HMCN1: variants seen among roughly 807,000 people sequenced by gnomAD.
HMCN1 encodes hemicentin 1, also known as hemicentin-1.
HMCN1 carries 321 observed loss-of-function variants against 625.9 expected under a neutral mutation model. The observed-to-expected ratio is 0.51, with a 90% confidence interval of 0.47 to 0.56. The LOEUF is 0.56. HMCN1 is among the 20% of genes least tolerant of loss of function. The pLI is 0.00. For missense variants in HMCN1, 6,588 were observed against 6,887.3 expected, an observed-to-expected ratio of 0.96 and a Z score of 1.54; for synonymous variants, 2,425 against 2,417.6, an observed-to-expected ratio of 1.00 and a Z score of -0.09.
At chr1:186,158,457 A>AT (rs1306045738) in intron 97 of HMCN1, among the ~76,000 whole-genome samples, 1 of 151,980 alleles carries the variant, frequency 6.6e-6, no homozygotes, top group Non-Finnish European at 1.5e-5. Context: ...CCATTTGTCA[A>AT]TTTTGTCTTT....
At position 186,159,049 on chromosome 1, in the gene HMCN1, C is replaced by T. The variant is rs1651243175; in HGVS notation, c.15256+5062C>T. 2.6e-5 allele frequency among the ~76,000 whole-genome samples: 4 copies of T among 152,098 alleles called. No homozygotes were observed. The South Asian group carries it at 8.3e-4, about 32-fold the overall frequency. ...TATGGCCATTTTCACAATATTGATT[C>T]TTCCTACCCATGAGCATGGAATGTT... On this transcript the variant is annotated intron_variant, in intron 97 of 106. Coordinates refer to ENST00000271588, the MANE Select transcript of HMCN1 (RefSeq NM_031935.3).
intron 69 of HMCN1, among the ~76,000 whole-genome samples, chr1:186,104,733 CCAGTGCATCTCAGCA>C (rs1251733988): frequency 6.6e-6 from 1 of 152,178 alleles, no homozygotes; most frequent in African/African-American, 2.4e-5. Flanking sequence ...AGAAGCCTAG[CCAGTGCATCTCAGCA>C]CAGTGCATTT....
chr1:185,952,615 C>G (rs1479374796), intron 11 of HMCN1, among the ~76,000 whole-genome samples: 1 of 151,698 alleles, frequency 6.6e-6, no homozygotes, highest in Admixed American at 6.6e-5. Flanking sequence ...GTGCCATTTT[C>G]CGGCTATTTG....
At chr1:185,926,151 A>T (rs182196351) in intron 9 of HMCN1, among the ~76,000 whole-genome samples, 2 of 152,362 alleles carry the variant, frequency 1.3e-5, no homozygotes, top group East Asian at 3.9e-4. Context: ...TGAAACAAAC[A>T]ACATTTTGGG....
At chr1:185,928,408 A>G in intron 9 of HMCN1, 138 bp from the exon 10 acceptor site, 1 of 712,942 alleles carries the variant, frequency 1.4e-6, no homozygotes, top group South Asian at 1.6e-5. Context: ...TTTAAGTTAA[A>G]AAGAACTCTG....
intron 80 of HMCN1, among the ~76,000 whole-genome samples, chr1:186,121,803 G>A (rs916506966): frequency 6.6e-6 from 1 of 152,172 alleles, no homozygotes; most frequent in Admixed American, 6.5e-5. Flanking sequence ...AATGTGTACA[G>A]AAAAGATTGG....
chr1:185,906,970 T>A (rs1272303785), intron 4 of HMCN1, among the ~76,000 whole-genome samples: 1 of 148,660 alleles, frequency 6.7e-6, no homozygotes, highest in Non-Finnish European at 1.5e-5. Context: ...TTTTTTTTTT[T>A]AGTTAGGCAG....
intron 54 of HMCN1, 115 bp from the exon 55 acceptor site, chr1:186,077,992 C>G (rs1658932450): frequency 1.3e-6 from 1 of 745,132 alleles, no homozygotes; most frequent in African/African-American, 1.7e-5. Flanking sequence ...TTGGATGAAA[C>G]AGGAACCTTG....
chr1:185,772,563 G>C (rs1656318722), intron 1 of HMCN1, among the ~76,000 whole-genome samples: 1 of 152,190 alleles, frequency 6.6e-6, no homozygotes, highest in East Asian at 1.9e-4. Context: ...TGTTTGTATT[G>C]GGTATTCAGA....
In HMCN1 at chr1:186,174,574, C is replaced by G; in HGVS notation, c.15875C>G (p.Thr5292Arg). The stretch of plus-strand genomic sequence containing the variant: ...AGATATAACCAGATATGTGAGAATA[C>G]AAGAGGCAGCTATCGTTGTGTATGC... ...QCRYNQICEN[T>R]RGSYRCVCPR... The change falls in exon 103 of 107, where the codon ACA becomes AGA. Residue 5292 changes from threonine (T) to arginine (R), a missense_variant. By Grantham distance (71) the Thr-to-Arg change is moderately conservative. Coordinates refer to ENST00000271588, the MANE Select transcript of HMCN1 (RefSeq NM_031935.3). 1 of 1,613,644 alleles carries G rather than the reference C, an allele frequency of 6.2e-7. No individual in the cohort carries two copies. Among genetic ancestry groups the G allele is most frequent in the Non-Finnish European group, 8.5e-7 (1 of 1,179,604 alleles).
In HMCN1 at chr1:186,154,091, T is replaced by C. The variant is rs180941412; in HGVS notation, c.15256+104T>C. 6.7e-4 allele frequency: 625 copies of C among 931,602 alleles called. 2 individuals carry two copies. The highest frequency in any genetic ancestry group is 8.1e-4 in the Non-Finnish European group (468 of 578,110). The allele number at this position is 931,602 out of a possible 1,614,324, so 57.7% of individuals were successfully genotyped here. A position where few individuals can be genotyped will look rare whatever the true frequency, so the allele number is the denominator to read the frequency against. On this transcript the variant is annotated intron_variant, in intron 97 of 106. Coordinates refer to ENST00000271588, the MANE Select transcript of HMCN1 (RefSeq NM_031935.3). ...GGCCTACATCTAACATGATATCAGG[T>C]TTTTCATGTGTGTTGTCTATGCCTT...
chr1:186,100,078 G>C (rs1384523402), intron 68 of HMCN1, among the ~76,000 whole-genome samples: 1 of 151,926 alleles, frequency 6.6e-6, no homozygotes, highest in Non-Finnish European at 1.5e-5. Flanking sequence ...GGGAGAGCGG[G>C]GAGAAAGAAC....
At chr1:185,875,148 A>G (rs893244112) in intron 4 of HMCN1, among the ~76,000 whole-genome samples, 2 of 152,040 alleles carry the variant, frequency 1.3e-5, no homozygotes, top group Non-Finnish European at 2.9e-5. Context: ...TGAAAAAGTC[A>G]TACCTAAAAA....
In HMCN1 at chr1:186,130,115, T is replaced by A; in HGVS notation, c.13039+15T>A. The A allele has an allele frequency of 6.2e-7, 1 of 1,612,788 alleles. No homozygotes were observed. Among genetic ancestry groups the A allele is most frequent in the Non-Finnish European group, 8.5e-7 (1 of 1,179,100 alleles). The stretch of plus-strand genomic sequence containing the variant: ...TTATGTGAAAGGTAGGGAAAAGCGC[T>A]CCATTTTTAATTTATAATGCATTCA... On this transcript the variant is annotated intron_variant, in intron 84 of 106. Coordinates refer to ENST00000271588, the MANE Select transcript of HMCN1 (RefSeq NM_031935.3).
Position 185,846,075 on chromosome 1 carries a change from A to G in HMCN1, c.318A>G (p.Glu106=). 1 of 1,611,610 alleles carries G rather than the reference A, an allele frequency of 6.2e-7. No homozygotes were observed. Among genetic ancestry groups the G allele is most frequent in the Non-Finnish European group, 8.5e-7 (1 of 1,177,982 alleles). Residue 106 remains glutamate (E), a synonymous_variant, in exon 2 of 107, where the codon GAA becomes GAG. Transcript: ENST00000271588. ...ITTDPKKFQY[E]LRELYVQGGG... The stretch of plus-strand genomic sequence containing the variant: ...CAGATCCCAAGAAATTTCAATATGA[A>G]CTCAGAGAACTGTATGTTCAGGTGA...
chr1:185,999,734 G>A (rs565065559), intron 25 of HMCN1, among the ~76,000 whole-genome samples: 1 of 152,076 alleles, frequency 6.6e-6, no homozygotes, highest in East Asian at 1.9e-4. Flanking sequence ...GATTAATATA[G>A]TTCCTGCCCT....
chr1:186,004,709 G>A (rs1292914276), intron 29 of HMCN1, among the ~76,000 whole-genome samples: 2 of 152,068 alleles, frequency 1.3e-5, no homozygotes, highest in Non-Finnish European at 2.9e-5. Flanking sequence ...ACCTTAAAAG[G>A]CAACTTGTTG....
intron 6 of HMCN1, 32 bp downstream of exon 6, chr1:185,911,812 T>C (rs1045076954): frequency 6.6e-7 from 1 of 1,514,806 alleles, no homozygotes; most frequent in Non-Finnish European, 9.2e-7. Context: ...TGTTTATTGT[T>C]TTATTTTGAA....
At chr1:185,786,836 C>A (rs1557968272) in intron 1 of HMCN1, among the ~76,000 whole-genome samples, 1 of 152,160 alleles carries the variant, frequency 6.6e-6, no homozygotes, top group Non-Finnish European at 1.5e-5. Context: ...TTAGTGTCAT[C>A]ATATCGTATA....
Sources: allele counts gnomAD v4.1 joint callset (sites outside exome capture counted in the v4.1 genomes callset), GRCh38; gene constraint gnomAD v4.1.1; transcripts MANE v1.5; gene names NCBI Gene and HGNC (gene_info 2026-07-23, HGNC 2026-07-21).